The following GPC3 variants were observed in gnomAD, a reference collection of about 807,000 sequenced individuals.
GPC3 encodes the protein glypican 3.
Under a neutral mutation model 34.4 loss-of-function variants are expected in GPC3, and 3 were observed. The observed-to-expected ratio is 0.09, with a 90% confidence interval of 0.04 to 0.23. The LOEUF (loss-of-function observed/expected upper bound fraction) is 0.23, where lower values mean the gene tolerates loss of function less well. Ranked by LOEUF, GPC3 falls within the 10% of genes least tolerant of loss-of-function variation. The pLI is 1.00. For missense variants in GPC3, 351 were observed against 445.6 expected, an observed-to-expected ratio of 0.79 and a Z score of 1.91; for synonymous variants, 177 against 174.0, an observed-to-expected ratio of 1.02 and a Z score of -0.13.
intron 3 of GPC3, among the ~76,000 whole-genome samples, chrX:133,742,037 A>G (rs1264929556): frequency 8.9e-6 from 1 of 112,770 alleles, no homozygotes; most frequent in African/African-American, 3.2e-5. Flanking sequence ...AGAGTTTTCT[A>G]GCGATAACTT....
At chrX:133,727,118 G>T (rs1451752866) in intron 3 of GPC3, among the ~76,000 whole-genome samples, 1 of 112,094 alleles carries the variant, frequency 8.9e-6, no homozygotes, top group Admixed American at 9.4e-5. Flanking sequence ...TGTGGTGAGG[G>T]TTAAATGAAT....
intron 2 of GPC3, among the ~76,000 whole-genome samples, chrX:133,924,609 A>G (rs192499807): frequency 8.9e-6 from 1 of 112,255 alleles, no homozygotes; most frequent in East Asian, 2.8e-4. Context: ...GCAGCCACCT[A>G]TTTGAGAGAA....
chrX:133,911,562 G>C (rs2076199940), intron 2 of GPC3, among the ~76,000 whole-genome samples: 1 of 111,858 alleles, frequency 8.9e-6, no homozygotes. Context: ...TTAAATAGTA[G>C]TGTCACTACA....
At chrX:133,724,200 CA>C (rs1042780706) in intron 3 of GPC3, among the ~76,000 whole-genome samples, 2 of 112,150 alleles carry the variant, frequency 1.8e-5, no homozygotes, top group African/African-American at 6.5e-5. Flanking sequence ...CCAGGATCTA[CA>C]ACTTCAAAGC....
intron 7 of GPC3, among the ~76,000 whole-genome samples, chrX:133,553,993 C>G (rs1342057714): frequency 9.4e-6 from 1 of 106,486 alleles, no homozygotes; most frequent in Non-Finnish European, 1.9e-5. Context: ...ATACTACAGA[C>G]TATCCTCTTT....
At chrX:133,777,607 A>G (rs932386607) in intron 2 of GPC3, among the ~76,000 whole-genome samples, 1 of 112,174 alleles carries the variant, frequency 8.9e-6, no homozygotes, top group African/African-American at 3.2e-5. Context: ...TGATACTAGA[A>G]TTACATATGT....
At chrX:133,684,881 T>C in intron 5 of GPC3, among the ~76,000 whole-genome samples, 1 of 108,455 alleles carries the variant, frequency 9.2e-6, no homozygotes, top group Middle Eastern at 4.7e-3. Context: ...GGCATATAGG[T>C]CTTTTTTTTT....
chrX:133,959,858 A>G (rs1267660409), intron 1 of GPC3, among the ~76,000 whole-genome samples: 2 of 112,498 alleles, frequency 1.8e-5, no homozygotes, highest in African/African-American at 6.5e-5. Context: ...CTGAGGTGGA[A>G]GAAATAGTCT....
At chrX:133,623,075 T>G (rs765501024) in intron 6 of GPC3, among the ~76,000 whole-genome samples, 9 of 111,793 alleles carry the variant, frequency 8.1e-5, no homozygotes, top group Non-Finnish European at 1.5e-4. Flanking sequence ...CATCAGTGAA[T>G]GAGAAATAAA....
chrX:133,780,528 G>T (rs1407672114), intron 2 of GPC3, among the ~76,000 whole-genome samples: 1 of 111,600 alleles, frequency 9.0e-6, no homozygotes, highest in Non-Finnish European at 1.9e-5. Flanking sequence ...CTGGTGGCCT[G>T]GGAAGCCTGG....
intron 7 of GPC3, among the ~76,000 whole-genome samples, chrX:133,583,961 C>A (rs914521785): frequency 3.6e-5 from 4 of 111,637 alleles, no homozygotes; most frequent in Non-Finnish European, 1.9e-5. Context: ...CAGAATCTTC[C>A]CCATCTGTCT....
intron 2 of GPC3, among the ~76,000 whole-genome samples, chrX:133,899,206 C>T (rs2076133598): frequency 8.9e-6 from 1 of 111,942 alleles, no homozygotes; most frequent in Non-Finnish European, 1.9e-5. Flanking sequence ...GAAACATAAA[C>T]CATTTAATGG....
intron 2 of GPC3, among the ~76,000 whole-genome samples, chrX:133,896,438 A>G (rs1396718644): frequency 9.0e-6 from 1 of 111,507 alleles, no homozygotes; most frequent in African/African-American, 3.3e-5. Context: ...CTCAAGTTCC[A>G]TCTCTTTTCT....
chrX:133,592,143 A>G (rs1288950231), intron 7 of GPC3, among the ~76,000 whole-genome samples: 7 of 110,754 alleles, frequency 6.3e-5, no homozygotes, highest in Non-Finnish European at 1.3e-4. Flanking sequence ...TTTTTATTAT[A>G]CTTTAAGTTC....
chrX:133,767,528 T>C (rs778905302), intron 2 of GPC3, among the ~76,000 whole-genome samples: 1 of 111,828 alleles, frequency 8.9e-6, no homozygotes, highest in East Asian at 2.8e-4. Context: ...AAAGGGCTAC[T>C]GGCAGAAACA....
chrX:133,893,826 T>G (rs1189294536), intron 2 of GPC3, among the ~76,000 whole-genome samples: 1 of 111,224 alleles, frequency 9.0e-6, no homozygotes, highest in African/African-American at 3.3e-5. Flanking sequence ...CAAAAGTGGG[T>G]TTTTTGTTTG....
At chrX:133,542,756 G>A (rs1354455954) in intron 7 of GPC3, among the ~76,000 whole-genome samples, 1 of 111,669 alleles carries the variant, frequency 9.0e-6, no homozygotes, top group African/African-American at 3.3e-5. Context: ...ACCCCCAGAG[G>A]CTGAAGCTGG....
intron 2 of GPC3, among the ~76,000 whole-genome samples, chrX:133,848,440 T>C (rs1263677102): frequency 1.8e-5 from 2 of 112,070 alleles, no homozygotes; most frequent in East Asian, 5.6e-4. Context: ...AACTAGGAGA[T>C]ACACAATCTT....
intron 2 of GPC3, among the ~76,000 whole-genome samples, chrX:133,942,355 G>A (rs2076348663): frequency 9.0e-6 from 1 of 111,678 alleles, no homozygotes; most frequent in Non-Finnish European, 1.9e-5. Context: ...TTAGTTCACT[G>A]TGGCTTACTG....
Sources: allele counts gnomAD v4.1 joint callset (sites outside exome capture counted in the v4.1 genomes callset), GRCh38; gene constraint gnomAD v4.1.1; transcripts MANE v1.5; gene names NCBI Gene and HGNC (gene_info 2026-07-23, HGNC 2026-07-21).